The following MTFR2 variants were observed in gnomAD, a reference collection of about 807,000 sequenced individuals.
MTFR2 encodes mitochondrial fission regulator 2.
A neutral mutation model predicts 41.2 loss-of-function variants in MTFR2; 44 were observed. The observed-to-expected ratio is 1.07, with a 90% CI of 0.84 to 1.37. The LOEUF (loss-of-function observed/expected upper bound fraction) is 1.37. Ranked by LOEUF, MTFR2 falls within the 40% of genes most tolerant of loss-of-function variation. The probability of loss-of-function intolerance (pLI) is 0.00; values close to 1 mark genes in which losing one functional copy is unlikely to be tolerated. For synonymous variants in MTFR2, 141 were observed against 154.6 expected (o/e 0.91, Z 0.65); for missense variants, 452 against 459.5 (o/e 0.98, Z 0.15).
intron 6 of MTFR2, among the ~76,000 whole-genome samples, chr6:136,234,645 G>A (rs1470332884): frequency 1.3e-5 from 2 of 152,150 alleles, no homozygotes; most frequent in East Asian, 1.9e-4. Flanking sequence ...CAAGCACAAC[G>A]GAAACCCACA....
intron 1 of MTFR2, among the ~76,000 whole-genome samples, 186 bp downstream of exon 1, chr6:136,249,790 C>T (rs1041186215): frequency 2.6e-5 from 4 of 152,118 alleles, no homozygotes; most frequent in Non-Finnish European, 2.9e-5. Context: ...GATTGTGAGG[C>T]CTCCCCAGCC....
At chr6:136,232,250 TC>T in intron 7 of MTFR2, among the ~76,000 whole-genome samples, 1 of 152,122 alleles carries the variant, frequency 6.6e-6, no homozygotes, top group African/African-American at 2.4e-5. Context: ...TCTGTTACAC[TC>T]TTTTTCTTTT....
chr6:136,244,908 A>G (rs1242030355), intron 2 of MTFR2, 39 bp from the exon 3 acceptor site: 1 of 1,402,254 alleles, frequency 7.1e-7, no homozygotes, highest in African/African-American at 1.4e-5. Context: ...ATGCACTCTG[A>G]TTAAGCATAT....
In MTFR2 at chr6:136,231,172, A is replaced by C. The variant is rs1416190598; in HGVS notation, c.*103T>G. 2.1e-5 allele frequency: 15 copies of C among 725,742 alleles called. No individual in the cohort carries two copies. In the East Asian group the frequency reaches 4.1e-4, roughly 20 times the overall value. 45.0% of individuals were successfully genotyped at this position (725,742 alleles called of 1,614,324 possible). A position where few individuals can be genotyped will look rare whatever the true frequency, so the allele number is the denominator to read the frequency against. ...CAAAATGTGTCAAGAAGAGTCTTTA[A>C]ATACATCTACTTTTAGCCTTTAACA... On this transcript the variant is annotated 3_prime_UTR_variant, in exon 8 of 8. Transcript: ENST00000420702.
chr6:136,245,885 T>C (rs1211256567), intron 2 of MTFR2, among the ~76,000 whole-genome samples: 1 of 152,216 alleles, frequency 6.6e-6, no homozygotes, highest in Non-Finnish European at 1.5e-5. Flanking sequence ...ATCCCTTATA[T>C]AGGTTACACC....
intron 6 of MTFR2, among the ~76,000 whole-genome samples, chr6:136,237,451 A>G (rs919529232): frequency 3.2e-4 from 48 of 152,226 alleles, no homozygotes; most frequent in African/African-American, 1.1e-3. Context: ...TGTCAGTGGG[A>G]TAAGACCAAC....
intron 7 of MTFR2, 91 bp downstream of exon 7, chr6:136,233,234 A>T (rs1476288928): frequency 8.7e-7 from 1 of 1,145,724 alleles, no homozygotes; most frequent in African/African-American, 1.5e-5. Flanking sequence ...ATTCTGCACA[A>T]TTACTTCAAG....
chr6:136,236,620 A>C (rs1035556247), intron 6 of MTFR2, among the ~76,000 whole-genome samples: 2 of 152,078 alleles, frequency 1.3e-5, no homozygotes, highest in African/African-American at 4.8e-5. Flanking sequence ...CAGCCATGAG[A>C]TTCTTCTCAA....
At chr6:136,233,155 G>A (rs911928310) in intron 7 of MTFR2, 170 bp downstream of exon 7, 18 of 487,002 alleles carry the variant, frequency 3.7e-5, no homozygotes, top group Non-Finnish European at 5.7e-5. Flanking sequence ...AAGTGAAAAT[G>A]AGCATATAAA....
chr6:136,231,903 C>T (rs1202120817), intron 7 of MTFR2, among the ~76,000 whole-genome samples: 1 of 152,142 alleles, frequency 6.6e-6, no homozygotes, highest in Non-Finnish European at 1.5e-5. Flanking sequence ...AGTCTCTGCT[C>T]TGCCCCTTAG....
At chr6:136,240,949 A>C (rs377177181) in intron 5 of MTFR2, among the ~76,000 whole-genome samples, 3 of 151,868 alleles carry the variant, frequency 2.0e-5, no homozygotes, top group Non-Finnish European at 4.4e-5. Context: ...AAATTAGCCG[A>C]GCGTGGTGGC....
rs966848203 is a variant in MTFR2, at chr6:136,249,153, C to T, written c.-54G>A. The T allele has an allele frequency of 8.9e-6, 13 of 1,460,590 alleles. No individual in the cohort carries two copies. The highest frequency in any genetic ancestry group is 8.8e-5 in the African/African-American group (6 of 68,126). The allele number at this position is 1,460,590 out of a possible 1,614,324, so 90.5% of individuals were successfully genotyped here. A position where few individuals can be genotyped will look rare whatever the true frequency, so the allele number is the denominator to read the frequency against. On this transcript the variant is annotated splice_region_variant and 5_prime_UTR_variant, in exon 2 of 8. Coordinates refer to ENST00000420702, the MANE Select transcript of MTFR2 (RefSeq NM_001099286.3). ...AAGGAACATTATCAGTTTCTTGGTG[C>T]CTTTGGGGAAAATTTTAGAAAATGT...
rs768354788 is a variant in MTFR2 at position 136,239,629 on chromosome 6, T to C, written c.706A>G (p.Ile236Val). 6.2e-7 allele frequency: 1 copy of C among 1,613,902 alleles called. No homozygotes were observed. The highest frequency in any genetic ancestry group is 1.3e-5 in the African/African-American group (1 of 74,856). Residue 236 changes from isoleucine to valine, a missense_variant, in exon 6 of 8, where the codon ATT becomes GTT. Physicochemically the swap from Ile to Val is conservative, Grantham distance 29. Coordinates refer to ENST00000420702, the MANE Select transcript of MTFR2 (RefSeq NM_001099286.3). ...FPPVQPGSNN[I>V]CDSDNPATEM... The stretch of plus-strand genomic sequence containing the variant: ...GTTGCTGGATTATCTGAGTCACAAA[T>C]ATTATTAGATCCTGGTTGTACGGGA...
chr6:136,241,090 CAAAAA>C (rs57165504), intron 5 of MTFR2, among the ~76,000 whole-genome samples: 2 of 63,262 alleles, frequency 3.2e-5, no homozygotes, highest in Admixed American at 1.9e-4. Context: ...GACTGCGTCT[CAAAAA>C]AAAAAAAAAA....
chr6:136,235,392 A>G (rs564821777), intron 6 of MTFR2, among the ~76,000 whole-genome samples: 1 of 150,444 alleles, frequency 6.6e-6, no homozygotes, highest in East Asian at 1.9e-4. Flanking sequence ...TCTGGGCTCA[A>G]GAGGAGAGGT....
intron 6 of MTFR2, among the ~76,000 whole-genome samples, chr6:136,238,175 T>C (rs1177660864): frequency 2.0e-5 from 3 of 152,192 alleles, no homozygotes; most frequent in Non-Finnish European, 4.4e-5. Flanking sequence ...AGACAAGACA[T>C]GGAAGCAAAC....
chr6:136,238,678 CCA>C lies in MTFR2; in HGVS notation c.869+786_869+787del, dbSNP rs60002962. ...GAATAGAGCTCATTATGTTTTTTCA[CCA>C]CACACACACACACACACACACACAC... On this transcript the variant is annotated intron_variant, in intron 6 of 7. Coordinates refer to ENST00000420702, the MANE Select transcript of MTFR2 (RefSeq NM_001099286.3). Among the ~76,000 whole-genome samples the C allele has an allele frequency of 3.2e-3, 465 of 146,036 alleles. 1 individual carries two copies. The highest frequency in any genetic ancestry group is 0.022 in the South Asian group (101 of 4,592).
intron 4 of MTFR2, among the ~76,000 whole-genome samples, chr6:136,242,079 CAAAAAAAAAAAA>C (rs548176168): frequency 1.1e-4 from 2 of 17,500 alleles, no homozygotes; most frequent in Non-Finnish European, 3.7e-4. Flanking sequence ...GACTCTGTCT[CAAAAAAAAAAAA>C]AAAAAAAAAA....
intron 6 of MTFR2, 99 bp from the exon 7 acceptor site, chr6:136,233,598 T>C: frequency 9.8e-6 from 9 of 920,656 alleles, no homozygotes; most frequent in Non-Finnish European, 1.4e-5. Flanking sequence ...TCTTACAATT[T>C]AATTAGTCTT....
Sources: gnomAD v4.1 joint callset for allele counts (sites outside exome capture counted in the v4.1 genomes callset) on GRCh38, gnomAD v4.1.1 for gene constraint, MANE v1.5 for transcripts, NCBI Gene and HGNC (gene_info 2026-07-23, HGNC 2026-07-21) for gene names.